Variants in FAM135A observed in about 807,000 individuals in gnomAD.
FAM135A encodes the protein protein FAM135A.
FAM135A carries 79 observed loss-of-function variants against 146.8 expected under a neutral mutation model. The observed-to-expected ratio is 0.54, with a 90% CI of 0.45 to 0.65. The LOEUF is 0.65. Ranked by LOEUF, FAM135A falls within the 30% of genes least tolerant of loss-of-function variation. The pLI, the probability that FAM135A is intolerant of heterozygous loss-of-function variation, is 0.00. For synonymous variants in FAM135A, 562 were observed against 603.6 expected, an observed-to-expected ratio of 0.93 and a Z score of 1.01; for missense variants, 1,623 against 1,758.2, an observed-to-expected ratio of 0.92 and a Z score of 1.38.
chr6:70,479,284 A>T (rs1054036461), intron 8 of FAM135A, among the ~76,000 whole-genome samples: 1 of 152,164 alleles, frequency 6.6e-6, no homozygotes, highest in Non-Finnish European at 1.5e-5. Flanking sequence ...GCAACGCAGC[A>T]ATTTTTGCCA....
Position 70,501,494 on chromosome 6 carries a change from G to A in FAM135A, c.874-1142G>A, listed in dbSNP as rs561670351. Among the ~76,000 whole-genome samples the A allele has an allele frequency of 6.6e-5, 10 of 152,306 alleles. No homozygotes were observed. In the South Asian group the frequency reaches 1.9e-3, roughly 28 times the overall value. On this transcript the variant is annotated intron_variant, in intron 11 of 21. Transcript: ENST00000418814. ...CCCTGGCTTCAGCCTCCTTTGCAGGGGAGTGAACGGTTCTGTCTCGCTGGG... is the reference window on the plus strand; with the variant it reads ...CCCTGGCTTCAGCCTCCTTTGCAGGAGAGTGAACGGTTCTGTCTCGCTGGG...
chr6:70,492,173 G>A (rs1043112470), intron 11 of FAM135A, among the ~76,000 whole-genome samples: 1 of 151,678 alleles, frequency 6.6e-6, no homozygotes, highest in African/African-American at 2.4e-5. Flanking sequence ...AATAAGGTAG[G>A]ATTTCTCTAA....
At chr6:70,432,111 G>C (rs188072746) in intron 4 of FAM135A, among the ~76,000 whole-genome samples, 7 of 152,148 alleles carry the variant, frequency 4.6e-5, no homozygotes. Flanking sequence ...CTATAAATGT[G>C]TTCTAAAGAA....
intron 12 of FAM135A, among the ~76,000 whole-genome samples, chr6:70,505,415 G>A (rs770107352): frequency 3.3e-5 from 5 of 151,912 alleles, no homozygotes; most frequent in African/African-American, 9.7e-5. Context: ...TTATCTTTGC[G>A]TGACCTTGAT....
At chr6:70,531,385 CT>C (rs768691933) in intron 16 of FAM135A, among the ~76,000 whole-genome samples, 6 of 152,198 alleles carry the variant, frequency 3.9e-5, no homozygotes, top group Non-Finnish European at 8.8e-5. Flanking sequence ...TTCATTTCCT[CT>C]TACAATTCTT....
intron 5 of FAM135A, among the ~76,000 whole-genome samples, chr6:70,464,773 T>C (rs1780108684): frequency 6.8e-6 from 1 of 148,086 alleles, no homozygotes; most frequent in South Asian, 2.2e-4. Context: ...TTCAAGCGAT[T>C]CGCCCATCTC....
chr6:70,506,705 AT>A (rs1333409011), intron 12 of FAM135A, among the ~76,000 whole-genome samples: 5 of 132,316 alleles, frequency 3.8e-5, no homozygotes, highest in African/African-American at 1.4e-4. Context: ...TCTTCAGGGT[AT>A]TTTTTTCTCT....
intron 5 of FAM135A, among the ~76,000 whole-genome samples, chr6:70,461,250 C>T (rs1379073641): frequency 6.6e-6 from 1 of 152,196 alleles, no homozygotes. Context: ...GGAAAACTCA[C>T]TTAACCTCCT....
chr6:70,446,159 C>T (rs112970875), intron 4 of FAM135A, among the ~76,000 whole-genome samples: 19,164 of 152,178 alleles, frequency 0.13, 1,485 homozygotes, highest in Middle Eastern at 0.19. Flanking sequence ...TTTGCAATAT[C>T]CAAAGACAAG....
chr6:70,468,738 C>A (rs544964736), intron 5 of FAM135A, among the ~76,000 whole-genome samples: 3 of 152,286 alleles, frequency 2.0e-5, no homozygotes, highest in Admixed American at 2.0e-4. Context: ...AAGAATCTAG[C>A]TGACAGCCTT....
chr6:70,531,231 A>G (rs555126649), intron 16 of FAM135A, among the ~76,000 whole-genome samples: 62 of 152,324 alleles, frequency 4.1e-4, no homozygotes, highest in African/African-American at 1.5e-3. Flanking sequence ...CAAGAAGCAA[A>G]ATGCCTTGAG....
chr6:70,468,041 C>T (rs185308452), intron 5 of FAM135A, among the ~76,000 whole-genome samples: 8 of 152,080 alleles, frequency 5.3e-5, no homozygotes, highest in African/African-American at 1.9e-4. Context: ...CATTTTAGGG[C>T]GATGGTGAGC....
intron 11 of FAM135A, among the ~76,000 whole-genome samples, chr6:70,491,431 G>A (rs1785958859): frequency 6.6e-6 from 1 of 151,798 alleles, no homozygotes; most frequent in Admixed American, 6.6e-5. Flanking sequence ...TGAAAAATTT[G>A]TTTTATTTCA....
intron 20 of FAM135A, among the ~76,000 whole-genome samples, chr6:70,540,135 A>T (rs1410800507): frequency 6.6e-6 from 1 of 152,166 alleles, no homozygotes; most frequent in Non-Finnish European, 1.5e-5. Flanking sequence ...TTCATTATGC[A>T]TCACCATGCC....
Position 70,559,901 on chromosome 6 carries a change from G to C in FAM135A, c.4528G>C (p.Ala1510Pro). 6.2e-7 allele frequency: 1 copy of C among 1,613,164 alleles called. No individual in the cohort carries two copies. Among genetic ancestry groups the C allele is most frequent in the Non-Finnish European group, 8.5e-7 (1 of 1,179,560 alleles). Residue 1510 changes from alanine (A) to proline (P), a missense_variant, in exon 22 of 22, where the codon GCC becomes CCC. Ala to Pro is a conservative substitution (Grantham distance 27). This residue lies in a region of FAM135A where 138 missense variants were observed against 174.1 expected (regional missense o/e 0.79). Transcript: ENST00000418814. ...TTTAGAGAAATTCTTTCTGGTTGCT[G>C]CCCTCAAATATTTCCAATAGTATAA... ...IFLEKFFLVAALKYFQ is the reference protein window; with the variant it reads ...IFLEKFFLVAPLKYFQ
In FAM135A at chr6:70,526,398, A is replaced by G. The variant is rs758181850; in HGVS notation, c.3314A>G (p.Tyr1105Cys). The change falls in exon 15 of 22, where the codon TAT becomes TGT. Residue 1105 changes from tyrosine (Y) to cysteine (C), a missense_variant. Tyr to Cys is a radical substitution (Grantham distance 194). Around this residue, in one of 7 missense-constraint regions of FAM135A, gnomAD observed 1,061 missense variants for 1,113.8 expected, o/e 0.95. Coordinates refer to ENST00000418814, the MANE Select transcript of FAM135A (RefSeq NM_001162529.3). ...AATGGGTACTATGAAGAAACAGATT[A>G]TTCAGCTTTGGATGGAACAATAAAT... ...VQNGYYEETD[Y>C]SALDGTINAH... 2.1e-5 allele frequency: 34 copies of G among 1,613,590 alleles called. No individual in the cohort carries two copies. Among genetic ancestry groups the G allele is most frequent in the Admixed American group, 5.0e-5 (3 of 59,968 alleles).
intron 20 of FAM135A, among the ~76,000 whole-genome samples, chr6:70,543,398 A>C (rs1798279284): frequency 6.6e-6 from 1 of 152,160 alleles, no homozygotes; most frequent in Non-Finnish European, 1.5e-5. Context: ...TTCTGCCTTA[A>C]ATGTTGTTCT....
intron 20 of FAM135A, among the ~76,000 whole-genome samples, chr6:70,539,980 A>G (rs769801741): frequency 6.6e-6 from 1 of 152,178 alleles, no homozygotes. Context: ...TGGGAGACAG[A>G]GTGAGACTCC....
At chr6:70,480,533 C>T (rs1783496300) in intron 8 of FAM135A, among the ~76,000 whole-genome samples, 1 of 152,122 alleles carries the variant, frequency 6.6e-6, no homozygotes, top group Non-Finnish European at 1.5e-5. Flanking sequence ...ATTCATATTT[C>T]ATTAAGTGTT....
Sources: gnomAD v4.1 joint callset for allele counts (sites outside exome capture counted in the v4.1 genomes callset) on GRCh38, gnomAD v4.1.1 for gene constraint, gnomAD v4.1.1 regional missense constraint, MANE v1.5 for transcripts, NCBI Gene and HGNC (gene_info 2026-07-23, HGNC 2026-07-21) for gene names.